The following PDE3B variants were observed in gnomAD, a reference collection of about 807,000 sequenced individuals.
PDE3B encodes the protein cGMP-inhibited 3',5'-cyclic phosphodiesterase 3B.
In PDE3B, 66 loss-of-function variants were observed where a neutral mutation model predicts 116.8. The ratio of observed to expected loss-of-function variants is 0.56; its 90% CI spans 0.46 to 0.69. The LOEUF is 0.69. PDE3B is among the 30% of genes least tolerant of loss of function. The pLI is 0.00. For synonymous variants in PDE3B, 595 were observed against 533.6 expected, an observed-to-expected ratio of 1.12 and a Z score of -1.59; for missense variants, 1,384 against 1,368.1, an observed-to-expected ratio of 1.01 and a Z score of -0.18.
rs75113059 is a variant in PDE3B at position 14,701,120 on chromosome 11, T to C, written c.978+56067T>C. Among the ~76,000 whole-genome samples the C allele has an allele frequency of 1.2e-3, 177 of 151,826 alleles. 2 individuals carry two copies. The East Asian group carries it at 0.012, about 11-fold the overall frequency. On this transcript the variant is annotated intron_variant, in intron 1 of 15. Transcript: ENST00000282096. Reference sequence around the variant, plus strand: ...TATAGCGCTTAATATTCCTCACATATGGAGCTTAATCTTCCCCCACAAATT... The same window carrying C: ...TATAGCGCTTAATATTCCTCACATACGGAGCTTAATCTTCCCCCACAAATT...
intron 1 of PDE3B, chr11:14,699,204 A>T (rs1459595802): frequency 1.3e-5 from 2 of 151,976 alleles, no homozygotes; most frequent in African/African-American, 4.8e-5. Flanking sequence ...TTCCAAATCC[A>T]CATAGTACTG....
chr11:14,889,185 AGC>A, the PDE3B span, among the ~76,000 whole-genome samples: 1 of 144,052 alleles, frequency 6.9e-6, no homozygotes, highest in African/African-American at 2.5e-5. Context: ...TTTTTCTGTG[AGC>A]ATACATCTCA....
At chr11:14,665,970 G>A (rs369241144) in intron 1 of PDE3B, among the ~76,000 whole-genome samples, 16 of 152,246 alleles carry the variant, frequency 1.1e-4, no homozygotes, top group South Asian at 6.2e-4. Context: ...AGCCCGCATC[G>A]CCAAGTCAAT....
At chr11:14,781,418 A>T (rs972272549) in intron 2 of PDE3B, among the ~76,000 whole-genome samples, 7 of 152,256 alleles carry the variant, frequency 4.6e-5, no homozygotes, top group African/African-American at 1.7e-4. Context: ...TGAATAAAAT[A>T]CTGGCAAACC....
intron 1 of PDE3B, among the ~76,000 whole-genome samples, chr11:14,649,463 G>A (rs1323619360): frequency 6.6e-6 from 1 of 152,128 alleles, no homozygotes; most frequent in Non-Finnish European, 1.5e-5. Context: ...TTTGGAAAAC[G>A]GGGACTAGAA....
chr11:14,844,679 A>T (rs1391656791), intron 12 of PDE3B, among the ~76,000 whole-genome samples: 1 of 152,184 alleles, frequency 6.6e-6, no homozygotes, highest in Admixed American at 6.5e-5. Flanking sequence ...GCACCAGGAG[A>T]TTACATCCCG....
At chr11:14,656,179 A>T (rs1853712152) in intron 1 of PDE3B, among the ~76,000 whole-genome samples, 1 of 152,180 alleles carries the variant, frequency 6.6e-6, no homozygotes. Flanking sequence ...TACTGGTGTC[A>T]TTAGCTAATG....
chr11:14,897,852 A>G, the PDE3B span, among the ~76,000 whole-genome samples: 2 of 152,100 alleles, frequency 1.3e-5, no homozygotes. Context: ...TCTGGGCCAT[A>G]ATGCATCTCT....
chr11:14,878,041 A>T, the PDE3B span: 2 of 1,464,716 alleles, frequency 1.4e-6, no homozygotes, highest in Non-Finnish European at 9.4e-7. Flanking sequence ...TTTTATTCTA[A>T]TACACACATT....
chr11:14,855,435 A>T (rs1847831528), intron 12 of PDE3B, among the ~76,000 whole-genome samples: 2 of 152,210 alleles, frequency 1.3e-5, no homozygotes, highest in Admixed American at 6.5e-5. Context: ...TAGCAACAAT[A>T]GATGCTAGAC....
intron 12 of PDE3B, among the ~76,000 whole-genome samples, chr11:14,857,361 TCTG>T (rs1389817455): frequency 1.3e-5 from 2 of 152,220 alleles, no homozygotes; most frequent in African/African-American, 4.8e-5. Flanking sequence ...TTAAGCTTGG[TCTG>T]CTGCTCTGTG....
chr11:14,690,520 T>G (rs1469629149), intron 1 of PDE3B, among the ~76,000 whole-genome samples: 1 of 152,148 alleles, frequency 6.6e-6, no homozygotes, highest in Non-Finnish European at 1.5e-5. Flanking sequence ...TTATTTTTTC[T>G]GGATTCTTGT....
intron 1 of PDE3B, among the ~76,000 whole-genome samples, chr11:14,718,154 AAG>A (rs1855968554): frequency 8.0e-6 from 1 of 125,034 alleles, no homozygotes; most frequent in Admixed American, 8.3e-5. Flanking sequence ...TAAACCAACA[AAG>A]ATCAAAAGAG....
chr11:14,722,075 C>T (rs564986777), intron 1 of PDE3B, among the ~76,000 whole-genome samples: 10 of 150,984 alleles, frequency 6.6e-5, no homozygotes, highest in South Asian at 4.2e-4. Context: ...AACAAAACAC[C>T]GCATGTTCTC....
At chr11:14,684,239 C>T (rs375229581) in intron 1 of PDE3B, among the ~76,000 whole-genome samples, 14 of 152,230 alleles carry the variant, frequency 9.2e-5, no homozygotes, top group African/African-American at 1.7e-4. Context: ...CTGTAAGTGT[C>T]GGCCAGTTGA....
chr11:14,892,244 A>G, the PDE3B span: 7 of 1,578,900 alleles, frequency 4.4e-6, no homozygotes, highest in Middle Eastern at 2.3e-4. Flanking sequence ...AGCAGCCCTG[A>G]GACCCAGGCA....
Position 14,724,153 on chromosome 11 carries a change from C to T in PDE3B, c.979-47784C>T, listed in dbSNP as rs543568610. On this transcript the variant is annotated intron_variant, in intron 1 of 15. Coordinates refer to ENST00000282096, the MANE Select transcript of PDE3B (RefSeq NM_000922.4). The stretch of plus-strand genomic sequence containing the variant: ...TTTTTCAGAAATGGAGAGAAATAGA[C>T]TTGAAAGATGGTTACAGGATAAAAT... Among the ~76,000 whole-genome samples the T allele has an allele frequency of 3.3e-5, 5 of 152,178 alleles. No individual in the cohort carries two copies. In the East Asian group the frequency reaches 9.6e-4, roughly 29 times the overall value.
intron 1 of PDE3B, among the ~76,000 whole-genome samples, chr11:14,646,472 G>A (rs1853411178): frequency 6.6e-6 from 1 of 152,130 alleles, no homozygotes; most frequent in Admixed American, 6.5e-5. Flanking sequence ...TAGTACTTTA[G>A]GAAAATGTGT....
chr11:14,869,381 C>A, intron 15 of PDE3B, 80 bp from the exon 16 acceptor site: 4 of 1,129,932 alleles, frequency 3.5e-6, no homozygotes, highest in Non-Finnish European at 5.1e-6. Context: ...TGCTTAGATA[C>A]CTAGAATAGG....
Sources: gnomAD v4.1 joint callset for allele counts (sites outside exome capture counted in the v4.1 genomes callset) on GRCh38, gnomAD v4.1.1 for gene constraint, MANE v1.5 for transcripts, NCBI Gene and HGNC (gene_info 2026-07-23, HGNC 2026-07-21) for gene names.